ROBO2: variants seen among roughly 807,000 people sequenced by gnomAD.
ROBO2 encodes the protein roundabout guidance receptor 2.
In ROBO2, 53 loss-of-function variants were observed where a neutral mutation model predicts 160.8. The ratio of observed to expected loss-of-function variants is 0.33; its 90% CI spans 0.26 to 0.41. The LOEUF (loss-of-function observed/expected upper bound fraction) is 0.41. ROBO2 is among the 10% of genes least tolerant of loss of function. The pLI is 1.00. For missense variants in ROBO2, 1,577 were observed against 1,722.4 expected (o/e 0.92, Z 1.49); for synonymous variants, 664 against 611.7 (o/e 1.09, Z -1.26).
chr3:76,366,583 T>C (rs2075821192), intron 2 of ROBO2, among the ~76,000 whole-genome samples: 1 of 152,044 alleles, frequency 6.6e-6, no homozygotes, highest in African/African-American at 2.4e-5. Context: ...CTTCTAGTAA[T>C]GCTATTGTTA....
At chr3:76,207,619 G>A (rs1312522239) in intron 2 of ROBO2, among the ~76,000 whole-genome samples, 5 of 152,230 alleles carry the variant, frequency 3.3e-5, no homozygotes, top group Admixed American at 2.0e-4. Flanking sequence ...GAGATACTGG[G>A]AAAATAGATG....
intron 14 of ROBO2, among the ~76,000 whole-genome samples, chr3:77,576,132 A>G (rs942480830): frequency 6.6e-6 from 1 of 152,156 alleles, no homozygotes; most frequent in African/African-American, 2.4e-5. Flanking sequence ...AATGCATTCT[A>G]CTTAATAACT....
intron 2 of ROBO2, among the ~76,000 whole-genome samples, chr3:76,775,528 T>A (rs931006359): frequency 6.6e-6 from 1 of 150,864 alleles, no homozygotes; most frequent in African/African-American, 2.4e-5. Flanking sequence ...TCCTGCTAAA[T>A]CATGGAAACT....
intron 2 of ROBO2, among the ~76,000 whole-genome samples, chr3:76,332,736 A>T (rs1259452030): frequency 7.2e-5 from 11 of 152,164 alleles, no homozygotes. Flanking sequence ...CTCTGTGGCC[A>T]CATAAAAATA....
chr3:75,941,314 A>G (rs1948044159), intron 2 of ROBO2, among the ~76,000 whole-genome samples: 1 of 152,224 alleles, frequency 6.6e-6, no homozygotes, highest in Admixed American at 6.5e-5. Context: ...GGATATATAC[A>G]ATGGTGTGCT....
chr3:76,207,517 A>G (rs1702888422), intron 2 of ROBO2, among the ~76,000 whole-genome samples: 1 of 152,200 alleles, frequency 6.6e-6, no homozygotes, highest in Non-Finnish European at 1.5e-5. Context: ...CAATTAATAT[A>G]TTTAAAAATG....
chr3:75,951,034 C>T (rs367758345), intron 2 of ROBO2, among the ~76,000 whole-genome samples: 1 of 151,926 alleles, frequency 6.6e-6, no homozygotes, highest in East Asian at 1.9e-4. Context: ...TTTACAAGTT[C>T]GTTGATGTTT....
At chr3:76,286,212 C>G (rs974822637) in intron 2 of ROBO2, among the ~76,000 whole-genome samples, 1 of 152,174 alleles carries the variant, frequency 6.6e-6, no homozygotes, top group African/African-American at 2.4e-5. Context: ...GAGGAACAAG[C>G]TTCCATAAAA....
At chr3:77,244,095 G>C (rs993580437) in intron 2 of ROBO2, among the ~76,000 whole-genome samples, 2 of 152,140 alleles carry the variant, frequency 1.3e-5, no homozygotes, top group African/African-American at 4.8e-5. Context: ...TATAATATAC[G>C]TAAGTGTTCA....
At chr3:76,154,796 C>T (rs1470649266) in intron 2 of ROBO2, among the ~76,000 whole-genome samples, 3 of 152,068 alleles carry the variant, frequency 2.0e-5, no homozygotes, top group African/African-American at 7.2e-5. Context: ...AACAAATAGA[C>T]ATATTTTCCA....
chr3:77,502,601 G>A (rs1303277555), intron 5 of ROBO2, among the ~76,000 whole-genome samples: 1 of 152,124 alleles, frequency 6.6e-6, no homozygotes, highest in Non-Finnish European at 1.5e-5. Context: ...TGTGAGTAGG[G>A]TGTGATTGGC....
chr3:77,379,168 G>C (rs777268007), intron 2 of ROBO2, among the ~76,000 whole-genome samples: 1 of 151,860 alleles, frequency 6.6e-6, no homozygotes, highest in Non-Finnish European at 1.5e-5. Context: ...GGTTTGTCTC[G>C]AACTCCTGAC....
At chr3:76,888,834 T>A (rs1458908721) in intron 2 of ROBO2, among the ~76,000 whole-genome samples, 1 of 152,218 alleles carries the variant, frequency 6.6e-6, no homozygotes, top group Admixed American at 6.5e-5. Context: ...GTATGTAATG[T>A]TTAAAATCCT....
intron 2 of ROBO2, among the ~76,000 whole-genome samples, chr3:76,650,594 A>G (rs891008874): frequency 6.6e-6 from 1 of 151,976 alleles, no homozygotes; most frequent in Non-Finnish European, 1.5e-5. Context: ...AGTTCTTGAC[A>G]GTTTTGCAAC....
intron 2 of ROBO2, among the ~76,000 whole-genome samples, chr3:76,352,171 A>G (rs2108295697): frequency 6.6e-6 from 1 of 152,082 alleles, no homozygotes; most frequent in South Asian, 2.1e-4. Context: ...GAGAAGAGGT[A>G]GTCTTACAAA....
chr3:77,602,151 G>T, intron 19 of ROBO2, 59 bp from the exon 21 acceptor site: 28 of 1,547,992 alleles, frequency 1.8e-5, no homozygotes, highest in Non-Finnish European at 2.4e-5. Context: ...CTTCAGTCCT[G>T]ATAGTTTTGG....
chr3:76,339,683 C>G (rs1485397110), intron 2 of ROBO2, among the ~76,000 whole-genome samples: 1 of 152,072 alleles, frequency 6.6e-6, no homozygotes, highest in Non-Finnish European at 1.5e-5. Flanking sequence ...CCAGATCACT[C>G]ACAGACACCA....
chr3:76,298,674 A>G (rs1306237714), intron 2 of ROBO2, among the ~76,000 whole-genome samples: 1 of 152,178 alleles, frequency 6.6e-6, no homozygotes, highest in Non-Finnish European at 1.5e-5. Flanking sequence ...CATGGGATAT[A>G]TTTTATCTCC....
intron 24 of ROBO2, 116 bp downstream of exon 25, chr3:77,635,159 CA>C: frequency 9.0e-7 from 1 of 1,116,244 alleles, no homozygotes; most frequent in Non-Finnish European, 1.3e-6. Context: ...CATAACAAGA[CA>C]AAAACCTGGC....
Sources: allele counts gnomAD v4.1 joint callset (sites outside exome capture counted in the v4.1 genomes callset), GRCh38; gene constraint gnomAD v4.1.1; transcripts MANE v1.5; gene names NCBI Gene and HGNC (gene_info 2026-07-23, HGNC 2026-07-21).